DNAH8: variants seen among roughly 807,000 people sequenced by gnomAD.
The protein encoded by DNAH8 is dynein axonemal heavy chain 8, also known as axonemal beta dynein heavy chain 8.
A neutral mutation model predicts 562.1 loss-of-function variants in DNAH8; 382 were observed. That is an observed-to-expected ratio of 0.68 (90% CI 0.63 to 0.74). The LOEUF is 0.74. DNAH8 is among the 30% of genes least tolerant of loss of function. The pLI is 0.00. For synonymous variants in DNAH8, 1,881 were observed against 1,919.4 expected (o/e 0.98, Z 0.52); for missense variants, 5,203 against 5,620.4 (o/e 0.93, Z 2.37).
chr6:38,981,973 G>A (rs545068768), intron 85 of DNAH8, among the ~76,000 whole-genome samples: 1 of 152,298 alleles, frequency 6.6e-6, no homozygotes, highest in Non-Finnish European at 1.5e-5. Context: ...GTGTTTAGAT[G>A]TGTCTAGATA....
chr6:38,939,495 G>A (rs1463706190), intron 79 of DNAH8, among the ~76,000 whole-genome samples: 2 of 152,282 alleles, frequency 1.3e-5, no homozygotes, highest in Non-Finnish European at 1.5e-5. Context: ...AACCCACCAC[G>A]CTAGCTTTGG....
intron 91 of DNAH8, among the ~76,000 whole-genome samples, chr6:39,021,021 T>G (rs988796443): frequency 3.9e-5 from 6 of 152,352 alleles, no homozygotes; most frequent in Non-Finnish European, 1.5e-5. Flanking sequence ...TGTATTTTTT[T>G]GGGTATATAC....
intron 7 of DNAH8, among the ~76,000 whole-genome samples, chr6:38,740,804 G>A (rs1764463765): frequency 6.6e-6 from 1 of 152,018 alleles, no homozygotes; most frequent in Admixed American, 6.6e-5. Flanking sequence ...CTGTGGAGAA[G>A]GGGTCTTGCC....
intron 91 of DNAH8, among the ~76,000 whole-genome samples, chr6:39,024,810 A>G (rs1366220271): frequency 6.6e-6 from 1 of 152,202 alleles, no homozygotes; most frequent in East Asian, 1.9e-4. Context: ...TTTGTATCAT[A>G]AAACCAGTCT....
At chr6:38,729,241 A>G (rs192220326) in intron 3 of DNAH8, among the ~76,000 whole-genome samples, 8 of 147,002 alleles carry the variant, frequency 5.4e-5, no homozygotes, top group Admixed American at 2.1e-4. Flanking sequence ...CAAACAAACA[A>G]ACTCTCACTA....
chr6:38,920,254 T>C (rs771744437), intron 70 of DNAH8, among the ~76,000 whole-genome samples: 2 of 152,156 alleles, frequency 1.3e-5, no homozygotes, highest in Non-Finnish European at 2.9e-5. Context: ...GCTCCCAGGA[T>C]TATAGGTGTG....
intron 42 of DNAH8, among the ~76,000 whole-genome samples, chr6:38,859,285 G>A: frequency 6.6e-6 from 1 of 152,142 alleles, no homozygotes. Context: ...TGTGGGTGGG[G>A]CCAGACTGTG....
At chr6:38,937,768 A>C (rs1184764691) in intron 77 of DNAH8, among the ~76,000 whole-genome samples, 1 of 152,180 alleles carries the variant, frequency 6.6e-6, no homozygotes, top group Non-Finnish European at 1.5e-5. Context: ...GTCTGTCAGC[A>C]GGAATGTTCA....
chr6:38,903,698 C>T, intron 62 of DNAH8, among the ~76,000 whole-genome samples: 1 of 150,242 alleles, frequency 6.7e-6, no homozygotes, highest in East Asian at 2.0e-4. Flanking sequence ...CTGCAACCTC[C>T]ACCTCCCGGG....
At chr6:38,760,239 G>A (rs924689671) in intron 10 of DNAH8, among the ~76,000 whole-genome samples, 2 of 152,034 alleles carry the variant, frequency 1.3e-5, no homozygotes, top group Admixed American at 6.6e-5. Context: ...CTTTCATTTT[G>A]TCTGATCACT....
intron 18 of DNAH8, among the ~76,000 whole-genome samples, chr6:38,789,585 AG>A (rs1179508960): frequency 3.3e-5 from 5 of 152,328 alleles, no homozygotes; most frequent in Non-Finnish European, 7.4e-5. Flanking sequence ...TGAAAAATGA[AG>A]ATGTAGAAAT....
intron 74 of DNAH8, 109 bp downstream of exon 74, chr6:38,926,319 C>A: frequency 8.3e-7 from 1 of 1,209,824 alleles, no homozygotes; most frequent in Non-Finnish European, 1.1e-6. Flanking sequence ...CAAATGTTTG[C>A]TAATTCACAC....
chr6:38,874,600 C>T (rs944650496), intron 52 of DNAH8, among the ~76,000 whole-genome samples: 1 of 151,870 alleles, frequency 6.6e-6, no homozygotes, highest in Admixed American at 6.6e-5. Context: ...GGCTCCTGGA[C>T]TCAAGCAGTC....
chr6:38,840,444 A>G (rs1004842596), intron 33 of DNAH8, among the ~76,000 whole-genome samples: 1 of 152,240 alleles, frequency 6.6e-6, no homozygotes. Flanking sequence ...ATAATGAAGG[A>G]ACACTGTCAC....
At chr6:39,003,715 A>G (rs577648378) in intron 88 of DNAH8, among the ~76,000 whole-genome samples, 2 of 152,204 alleles carry the variant, frequency 1.3e-5, no homozygotes, top group Non-Finnish European at 2.9e-5. Flanking sequence ...TTTATTGGCT[A>G]TATAGATTTT....
intron 82 of DNAH8, among the ~76,000 whole-genome samples, chr6:38,957,563 T>C (rs1190755602): frequency 6.6e-6 from 1 of 150,930 alleles, no homozygotes; most frequent in Non-Finnish European, 1.5e-5. Context: ...TTCTTGAGGA[T>C]AGATCATATA....
At chr6:38,926,700 A>G (rs947056534) in intron 74 of DNAH8, among the ~76,000 whole-genome samples, 1 of 152,146 alleles carries the variant, frequency 6.6e-6, no homozygotes, top group East Asian at 1.9e-4. Context: ...TGATATTTTA[A>G]TTCAACTACC....
intron 76 of DNAH8, among the ~76,000 whole-genome samples, chr6:38,935,378 G>A (rs903900960): frequency 4.6e-5 from 7 of 152,078 alleles, no homozygotes; most frequent in African/African-American, 1.7e-4. Context: ...TAAGTGCTGT[G>A]GAACCTTAAT....
chr6:38,765,422 T>C (rs1340867906), intron 11 of DNAH8, among the ~76,000 whole-genome samples: 1 of 152,224 alleles, frequency 6.6e-6, no homozygotes, highest in African/African-American at 2.4e-5. Context: ...AATTTTACAG[T>C]TTCAGGTCTT....
Sources: gnomAD v4.1 joint callset for allele counts (sites outside exome capture counted in the v4.1 genomes callset) on GRCh38, gnomAD v4.1.1 for gene constraint, MANE v1.5 for transcripts, NCBI Gene and HGNC (gene_info 2026-07-23, HGNC 2026-07-21) for gene names.